Variants in HSPA12B observed in about 807,000 individuals in gnomAD.
HSPA12B encodes the protein heat shock 70 kDa protein 12B.
In HSPA12B, 54 loss-of-function variants were observed where a neutral mutation model predicts 69.3. That is an observed-to-expected ratio of 0.78 (90% CI 0.63 to 0.98). The LOEUF (loss-of-function observed/expected upper bound fraction) is 0.98. Among genes scored for constraint, HSPA12B ranks in the 50% least tolerant of loss-of-function variants. The pLI is 0.00. For synonymous variants in HSPA12B, 441 were observed against 436.5 expected (o/e 1.01, Z -0.13); for missense variants, 929 against 999.8 (o/e 0.93, Z 0.96).
chr20:3,744,775 A>C lies in HSPA12B; in HGVS notation c.267-127A>C, dbSNP rs570615831. The C allele has an allele frequency of 8.4e-5, 66 of 787,380 alleles. No homozygotes were observed. The highest frequency in any genetic ancestry group is 7.6e-4 in the Middle Eastern group (2 of 2,616). 48.8% of individuals were successfully genotyped at this position (787,380 alleles called of 1,614,324 possible). ...ATTCTTGTGTTTTCTCCTGCTGCCTATGGAGCCGACCCATAGCTAGTTCTC... is the reference window on the plus strand; with the variant it reads ...ATTCTTGTGTTTTCTCCTGCTGCCTCTGGAGCCGACCCATAGCTAGTTCTC... On this transcript the variant is annotated intron_variant, in intron 4 of 12. Transcript: ENST00000254963. The surrounding 1 kb of genome is among the most constrained non-coding windows in gnomAD (Gnocchi z 4.9).
chr20:3,744,965 T>G lies in HSPA12B; in HGVS notation c.330T>G (p.Thr110=). The part of the protein sequence containing the change: ...HQKTPTCLLL[T]PEGAFHSFGY... The stretch of plus-strand genomic sequence containing the variant: ...AGACCCCGACCTGCCTGCTGCTGAC[T>G]CCGGAGGGCGCCTTCCACAGCTTTG... Residue 110 remains threonine, a synonymous_variant, in exon 5 of 13, where the codon ACT becomes ACG. Transcript: ENST00000254963. This position sits in a 1 kb window ranked among gnomAD's most constrained non-coding sequence, Gnocchi z 4.9. The G allele has an allele frequency of 1.2e-6, 2 of 1,613,874 alleles. No individual in the cohort carries two copies. Among genetic ancestry groups the G allele is most frequent in the Non-Finnish European group, 1.7e-6 (2 of 1,180,028 alleles).
Position 3,749,189 on chromosome 20 carries a change from C to T in HSPA12B, c.851-43C>T, listed in dbSNP as rs753832403. The stretch of plus-strand genomic sequence containing the variant: ...TGGGAGTTGAACGCCATAGCTGGAG[C>T]ACCTCCTTCTAATCTCACTCCCTGC... On this transcript the variant is annotated intron_variant, in intron 8 of 12. Coordinates refer to ENST00000254963, the MANE Select transcript of HSPA12B (RefSeq NM_052970.5). The surrounding 1 kb of genome is among the most constrained non-coding windows in gnomAD (Gnocchi z 5.5). 2.0e-5 allele frequency: 31 copies of T among 1,556,004 alleles called. No homozygotes were observed. Among genetic ancestry groups the T allele is most frequent in the Non-Finnish European group, 2.6e-5 (29 of 1,134,840 alleles).
intron 2 of HSPA12B, among the ~76,000 whole-genome samples, chr20:3,739,061 G>A (rs545457895): frequency 4.3e-4 from 66 of 152,302 alleles, no homozygotes; most frequent in African/African-American, 1.1e-3. Context: ...ATGCATGTGC[G>A]TGTGTTTTGT....
rs773788255 is a variant in HSPA12B, at chr20:3,748,386, G to A, written c.845G>A (p.Arg282His). ...GERRSIDSSF[R>H]QAREQLRRSR... ...CGCCGCTCCATCGACTCCAGCTTCC[G>A]TCAGGGTGAGCTGCCCCCGGGGACA... The change falls in exon 8 of 13, where the codon CGT becomes CAT. Residue 282 changes from arginine (R) to histidine (H), a missense_variant. By Grantham distance (29) the Arg-to-His change is conservative. Coordinates refer to ENST00000254963, the MANE Select transcript of HSPA12B (RefSeq NM_052970.5). The A allele has an allele frequency of 2.0e-5, 32 of 1,590,274 alleles. No individual in the cohort carries two copies. Among genetic ancestry groups the A allele is most frequent in the Admixed American group, 5.2e-5 (3 of 57,474 alleles).
At chr20:3,746,307 T>TTTC (rs1306774721) in intron 7 of HSPA12B, among the ~76,000 whole-genome samples, 2 of 134,244 alleles carry the variant, frequency 1.5e-5, no homozygotes, top group Admixed American at 7.3e-5. Flanking sequence ...GAGTCTTTTT[T>TTTC]TTTTTTTTTT....
intron 11 of HSPA12B, chr20:3,750,510 C>T (rs1431629284): frequency 7.7e-6 from 2 of 260,610 alleles, no homozygotes; most frequent in African/African-American, 4.6e-5. Context: ...ACACCCCCAC[C>T]CCGGGCCCTG....
In HSPA12B at chr20:3,745,464, C is replaced by G; in HGVS notation, c.454-29C>G. On this transcript the variant is annotated intron_variant, in intron 5 of 12. Transcript: ENST00000254963. This position sits in a 1 kb window ranked among gnomAD's most constrained non-coding sequence, Gnocchi z 5.6. Reference sequence around the variant, plus strand: ...GGAAATGAGTGCCAAGCTGAGGCCTCCTGCAGAGCCGCCCTGTGTCCCTGC... The same window carrying G: ...GGAAATGAGTGCCAAGCTGAGGCCTGCTGCAGAGCCGCCCTGTGTCCCTGC... 1 of 1,557,360 alleles carries G rather than the reference C, an allele frequency of 6.4e-7. No homozygotes were observed. The highest frequency in any genetic ancestry group is 8.9e-7 in the Non-Finnish European group (1 of 1,128,358).
intron 1 of HSPA12B, among the ~76,000 whole-genome samples, chr20:3,733,161 T>G (rs1330823699): frequency 6.6e-6 from 1 of 151,294 alleles, no homozygotes; most frequent in Admixed American, 6.6e-5. Flanking sequence ...GGGAGTTGAG[T>G]GTATGTGTGT....
Position 3,752,206 on chromosome 20 carries a change from C to A in HSPA12B, c.*40C>A. On this transcript the variant is annotated 3_prime_UTR_variant, in exon 13 of 13. Coordinates refer to ENST00000254963, the MANE Select transcript of HSPA12B (RefSeq NM_052970.5). ...GGTGCCAGCGCCGTCTGCCCGGCCC[C>A]GCCCTCTTTCGGTTCAGGGGCCTGC... The A allele has an allele frequency of 1.4e-6, 2 of 1,437,088 alleles. No homozygotes were observed. The highest frequency in any genetic ancestry group is 1.8e-6 in the Non-Finnish European group (2 of 1,101,598). 89.0% of individuals were successfully genotyped at this position (1,437,088 alleles called of 1,614,324 possible).
chr20:3,750,064 C>T lies in HSPA12B; in HGVS notation c.1138C>T (p.Arg380Trp). Reference sequence around the variant, plus strand: ...CTTCATCGCCACCTTCAAAAGGCAACGGCCGGCAGCCTGGGTAGATCTGAC... The same window carrying T: ...CTTCATCGCCACCTTCAAAAGGCAATGGCCGGCAGCCTGGGTAGATCTGAC... ...EDFIATFKRQ[R>W]PAAWVDLTIA... is the part of the protein sequence containing the mutation. Residue 380 changes from arginine (R) to tryptophan (W), a missense_variant, in exon 11 of 13, where the codon CGG becomes TGG. Coordinates refer to ENST00000254963, the MANE Select transcript of HSPA12B (RefSeq NM_052970.5). The T allele has an allele frequency of 3.1e-6, 5 of 1,610,982 alleles. No homozygotes were observed. The highest frequency in any genetic ancestry group is 4.2e-6 in the Non-Finnish European group (5 of 1,179,130).
intron 11 of HSPA12B, 91 bp downstream of exon 11, chr20:3,750,318 G>C (rs2050095151): frequency 1.5e-6 from 2 of 1,324,748 alleles, no homozygotes; most frequent in East Asian, 2.5e-5. Flanking sequence ...AACGGTGGGG[G>C]TCTGCCTGAT....
rs373465808 is a variant in HSPA12B, at chr20:3,740,861, G to A, written c.90G>A (p.Pro30=). The change falls in exon 3 of 13, where the codon CCG becomes CCA. Residue 30 remains proline, a synonymous_variant. Transcript: ENST00000254963. The surrounding 1 kb of genome is among the most constrained non-coding windows in gnomAD (Gnocchi z 4.9). ...CAGTGCCTAGCCCACCCGGCTCCCC[G>A]AGGACCCAGGAAAGCTGCGGCATTG... is the stretch of plus-strand genomic sequence containing the variant. ...RSPVPSPPGS[P]RTQESCGIAP... 116 of 1,613,696 alleles carry A rather than the reference G, an allele frequency of 7.2e-5. No homozygotes were observed. Among genetic ancestry groups the A allele is most frequent in the Middle Eastern group, 1.6e-4 (1 of 6,084 alleles).
chr20:3,748,416 C>G, intron 8 of HSPA12B, 25 bp downstream of exon 8: 1 of 1,552,418 alleles, frequency 6.4e-7, no homozygotes, highest in East Asian at 2.4e-5. Context: ...GGGACACCAC[C>G]CACCCCTGGA....
At position 3,752,795 on chromosome 20, in the gene HSPA12B, T is replaced by C. The variant is rs1329013062; in HGVS notation, c.*629T>C. On this transcript the variant is annotated 3_prime_UTR_variant, in exon 13 of 13. Coordinates refer to ENST00000254963, the MANE Select transcript of HSPA12B (RefSeq NM_052970.5). Reference sequence around the variant, plus strand: ...GGAACATTATTGTGGTGGAGGCAATTATGAGGGTAGCATTTCTTTCGAGAC... The same window carrying C: ...GGAACATTATTGTGGTGGAGGCAATCATGAGGGTAGCATTTCTTTCGAGAC... The C allele has an allele frequency of 1.3e-5, 2 of 153,676 alleles. No homozygotes were observed. Among genetic ancestry groups the C allele is most frequent in the African/African-American group, 4.8e-5 (2 of 41,392 alleles). The allele number at this position is 153,676 out of a possible 1,614,324, so 9.5% of individuals were successfully genotyped here. A position where few individuals can be genotyped will look rare whatever the true frequency, so the allele number is the denominator to read the frequency against.
Position 3,738,647 on chromosome 20 carries a change from C to T in HSPA12B, c.-17-11C>T. On this transcript the variant is annotated splice_polypyrimidine_tract_variant and intron_variant, in intron 1 of 12. Coordinates refer to ENST00000254963, the MANE Select transcript of HSPA12B (RefSeq NM_052970.5). ...ATAAATCCCACTCTGCTTGTCTGTT[C>T]CTGTTGACAGCTACAGGGCCTGCAA... 1.9e-6 allele frequency: 3 copies of T among 1,613,338 alleles called. No individual in the cohort carries two copies. Among genetic ancestry groups the T allele is most frequent in the Non-Finnish European group, 2.5e-6 (3 of 1,179,286 alleles).
Position 3,750,352 on chromosome 20 carries a change from A to T in HSPA12B, c.1301+125A>T, listed in dbSNP as rs886628107. The T allele has an allele frequency of 1.1e-5, 12 of 1,066,536 alleles. No individual in the cohort carries two copies. In the African/African-American group the frequency reaches 1.6e-4, roughly 14 times the overall value. The allele number at this position is 1,066,536 out of a possible 1,614,324, so 66.1% of individuals were successfully genotyped here. On this transcript the variant is annotated intron_variant, in intron 11 of 12. Coordinates refer to ENST00000254963, the MANE Select transcript of HSPA12B (RefSeq NM_052970.5). Reference sequence around the variant, plus strand: ...ATTCATCCCACATATACACTAAGCCAGCAGGGCGTCGGGGTGGGGCGGCGG... The same window carrying T: ...ATTCATCCCACATATACACTAAGCCTGCAGGGCGTCGGGGTGGGGCGGCGG...
In HSPA12B at chr20:3,740,886, G is replaced by GC; in HGVS notation, c.121dup (p.Leu41ProfsTer26). The stretch of plus-strand genomic sequence containing the variant: ...GAGGACCCAGGAAAGCTGCGGCATT[G>GC]CCCCCCTCACACCCTCGCAGTCTCC... On this transcript the variant is annotated frameshift_variant, in exon 3 of 13. Transcript: ENST00000254963. LOFTEE classifies it high-confidence loss of function. This position sits in a 1 kb window ranked among gnomAD's most constrained non-coding sequence, Gnocchi z 4.9. The GC allele has an allele frequency of 1.2e-6, 2 of 1,613,538 alleles. No homozygotes were observed. Among genetic ancestry groups the GC allele is most frequent in the East Asian group, 2.2e-5 (1 of 44,880 alleles).
intron 1 of HSPA12B, among the ~76,000 whole-genome samples, chr20:3,733,762 C>T (rs1340771322): frequency 6.6e-6 from 1 of 152,220 alleles, no homozygotes; most frequent in Non-Finnish European, 1.5e-5. Flanking sequence ...TGTGGCCTCA[C>T]TTAGCCCGCT....
In HSPA12B at chr20:3,751,545, G is replaced by A; in HGVS notation, c.1440G>A (p.Val480=). The change falls in exon 13 of 13, where the codon GTG becomes GTA. Residue 480 remains valine, a synonymous_variant. Coordinates refer to ENST00000254963, the MANE Select transcript of HSPA12B (RefSeq NM_052970.5). The part of the protein sequence containing the change: ...ALLARPEVQG[V]KLLFLVGGFA... ...TGGCACGGCCGGAGGTGCAGGGTGT[G>A]AAGCTGCTGTTCCTAGTGGGCGGCT... The A allele has an allele frequency of 6.7e-7, 1 of 1,484,008 alleles. No homozygotes were observed. Among genetic ancestry groups the A allele is most frequent in the Middle Eastern group, 1.8e-4 (1 of 5,634 alleles). The allele number at this position is 1,484,008 out of a possible 1,614,324, so 91.9% of individuals were successfully genotyped here. A position where few individuals can be genotyped will look rare whatever the true frequency, so the allele number is the denominator to read the frequency against.
Sources: allele counts gnomAD v4.1 joint callset (sites outside exome capture counted in the v4.1 genomes callset), GRCh38; gene constraint gnomAD v4.1.1; non-coding constraint Gnocchi (gnomAD v3.1); transcripts MANE v1.5; gene names NCBI Gene and HGNC (gene_info 2026-07-23, HGNC 2026-07-21).